The following ARHGAP25 variants were observed in gnomAD, a reference collection of about 807,000 sequenced individuals.
The protein encoded by ARHGAP25 is rho GTPase-activating protein 25.
In ARHGAP25, 34 loss-of-function variants were observed where a neutral mutation model predicts 71.0. That is an observed-to-expected ratio of 0.48 (90% CI 0.36 to 0.64). The LOEUF (loss-of-function observed/expected upper bound fraction) is 0.64. ARHGAP25 is among the 30% of genes least tolerant of loss of function. ARHGAP25 has a pLI of 0.00. For missense variants in ARHGAP25, 706 were observed against 805.1 expected (o/e 0.88, Z 1.49); for synonymous variants, 282 against 296.5 (o/e 0.95, Z 0.50).
At chr2:68,771,832 A>C (rs1677508061) in intron 1 of ARHGAP25, among the ~76,000 whole-genome samples, 1 of 152,218 alleles carries the variant, frequency 6.6e-6, no homozygotes, top group Non-Finnish European at 1.5e-5. Flanking sequence ...GCACTAAAGA[A>C]ACACTGGTTG....
At chr2:68,746,712 C>A (rs934262517) in intron 1 of ARHGAP25, among the ~76,000 whole-genome samples, 3 of 151,574 alleles carry the variant, frequency 2.0e-5, no homozygotes, top group East Asian at 1.9e-4. Context: ...CACCCCCCTC[C>A]CCATCCCCAC....
intron 3 of ARHGAP25, among the ~76,000 whole-genome samples, chr2:68,787,574 G>A (rs1304621767): frequency 6.6e-6 from 1 of 152,228 alleles, no homozygotes; most frequent in African/African-American, 2.4e-5. Flanking sequence ...AATGACTTCT[G>A]TCCTCTTAAA....
chr2:68,742,309 T>G (rs1675561332), intron 1 of ARHGAP25, among the ~76,000 whole-genome samples: 1 of 152,224 alleles, frequency 6.6e-6, no homozygotes, highest in Non-Finnish European at 1.5e-5. Flanking sequence ...CTTTTTAATA[T>G]TTTAAAATAA....
rs760172341 is a variant in ARHGAP25, at chr2:68,787,918, T to C, written c.428T>C (p.Val143Ala). 6.2e-6 allele frequency: 10 copies of C among 1,614,024 alleles called. No individual in the cohort carries two copies. Among genetic ancestry groups the C allele is most frequent in the Non-Finnish European group, 8.5e-6 (10 of 1,180,012 alleles). Residue 143 changes from valine to alanine, a missense_variant, in exon 4 of 11, where the codon GTT (valine) becomes GCT (alanine). Coordinates refer to ENST00000409202, the MANE Select transcript of ARHGAP25 (RefSeq NM_001007231.3). ...TCTCAGGCGGAGATGGAGGAGTGGG[T>C]TAAATTCCTCAGGAGAGTTGCTGGC... ...ASSQAEMEEW[V>A]KFLRRVAGTP...
intron 9 of ARHGAP25, among the ~76,000 whole-genome samples, chr2:68,821,097 T>C (rs1170146663): frequency 2.5e-4 from 34 of 136,382 alleles, no homozygotes; most frequent in South Asian, 1.6e-3. Context: ...TCTTTCTTTT[T>C]TTTTTTTTTT....
rs950792666 is a variant in ARHGAP25 at position 68,735,027 on chromosome 2, A to G, written c.-173A>G. On this transcript the variant is annotated 5_prime_UTR_variant, in exon 1 of 11. Coordinates refer to ENST00000409202, the MANE Select transcript of ARHGAP25 (RefSeq NM_001007231.3). ...GATGGATGGACCTTTCATCTAAGAG[A>G]AAGGAGGAGACACGTTGGCAAATCA... The G allele has an allele frequency of 1.4e-5, 9 of 650,518 alleles. No homozygotes were observed. In the East Asian group the frequency reaches 1.6e-4, roughly 12 times the overall value. The allele number at this position is 650,518 out of a possible 1,614,324, so 40.3% of individuals were successfully genotyped here.
Position 68,775,054 on chromosome 2 carries a change from T to G in ARHGAP25, c.62-167T>G. Reference sequence around the variant, plus strand: ...GGAGCTGGCCCCTCGGCTGCTTCTCTGGCTCGGGGGGGACTTTCTCTGGCT... The same window carrying G: ...GGAGCTGGCCCCTCGGCTGCTTCTCGGGCTCGGGGGGGACTTTCTCTGGCT... On this transcript the variant is annotated intron_variant, in intron 1 of 10. Transcript: ENST00000409202. The G allele has an allele frequency of 3.9e-6, 6 of 1,523,776 alleles. No homozygotes were observed. In the South Asian group the frequency reaches 7.8e-5, roughly 20 times the overall value. The allele number at this position is 1,523,776 out of a possible 1,614,324, so 94.4% of individuals were successfully genotyped here.
chr2:68,813,179 C>T, intron 5 of ARHGAP25, 108 bp from the exon 6 acceptor site: 1 of 1,313,436 alleles, frequency 7.6e-7, no homozygotes, highest in Non-Finnish European at 1.0e-6. Context: ...GCAAAATTTC[C>T]CTTTGTAATT....
intron 6 of ARHGAP25, chr2:68,816,016 A>G (rs1681199897): frequency 2.2e-6 from 1 of 463,198 alleles, no homozygotes. Context: ...GTCCTTCCTT[A>G]GAGTAGCTCA....
At chr2:68,751,527 T>A (rs1676176960) in intron 1 of ARHGAP25, among the ~76,000 whole-genome samples, 1 of 152,230 alleles carries the variant, frequency 6.6e-6, no homozygotes, top group Non-Finnish European at 1.5e-5. Context: ...CCATTTTCCC[T>A]TTCTGTTCCA....
At chr2:68,775,090 C>T (rs1395880282) in intron 1 of ARHGAP25, 131 bp from the exon 2 acceptor site, 7 of 1,572,342 alleles carry the variant, frequency 4.5e-6, no homozygotes, top group Non-Finnish European at 6.0e-6. Flanking sequence ...CAGATCCGGA[C>T]CCCTGAACTG....
intron 5 of ARHGAP25, among the ~76,000 whole-genome samples, chr2:68,808,901 T>G (rs1558653996): frequency 6.6e-6 from 1 of 152,170 alleles, no homozygotes; most frequent in African/African-American, 2.4e-5. Flanking sequence ...TTGATTATTT[T>G]GAAATATTTG....
chr2:68,715,963 T>A (rs1674599906), intron 2 of ARHGAP25, among the ~76,000 whole-genome samples: 1 of 152,192 alleles, frequency 6.6e-6, no homozygotes, highest in East Asian at 1.9e-4. Context: ...CATAGGTATT[T>A]TCAGTCGTTT....
intron 4 of ARHGAP25, among the ~76,000 whole-genome samples, chr2:68,799,731 G>A (rs968917221): frequency 2.6e-5 from 4 of 152,178 alleles, no homozygotes; most frequent in Non-Finnish European, 4.4e-5. Context: ...GGTGAGTGGC[G>A]AGGGGAAGTG....
rs758294167 is a variant in ARHGAP25 at position 68,807,370 on chromosome 2, C to A, written c.564C>A (p.Ile188=). 1 of 1,614,228 alleles carries A rather than the reference C, an allele frequency of 6.2e-7. No individual in the cohort carries two copies. The highest frequency in any genetic ancestry group is 1.1e-5 in the South Asian group (1 of 91,088). The change falls in exon 5 of 11, where the codon ATC becomes ATA. Residue 188 remains isoleucine, a synonymous_variant. Transcript: ENST00000409202. ...TGGTGGAGAAATGTGCAGAGTTCATCCTGGAGCACGGCCGGAATGAAGAGG... is the reference window on the plus strand; with the variant it reads ...TGGTGGAGAAATGTGCAGAGTTCATACTGGAGCACGGCCGGAATGAAGAGG... The part of the protein sequence containing the change: ...PILVEKCAEF[I]LEHGRNEEGI...
chr2:68,737,030 A>G (rs1295929113), intron 1 of ARHGAP25, among the ~76,000 whole-genome samples: 1 of 152,086 alleles, frequency 6.6e-6, no homozygotes, highest in Non-Finnish European at 1.5e-5. Flanking sequence ...CAAGCAGATG[A>G]TGTTATTTAG....
chr2:68,801,770 A>T (rs1679983925), intron 4 of ARHGAP25, among the ~76,000 whole-genome samples: 1 of 152,210 alleles, frequency 6.6e-6, no homozygotes, highest in African/African-American at 2.4e-5. Flanking sequence ...CATGACAGTG[A>T]TAACATCGAG....
chr2:68,805,662 G>C (rs904918152), intron 4 of ARHGAP25, among the ~76,000 whole-genome samples: 1 of 152,156 alleles, frequency 6.6e-6, no homozygotes, highest in African/African-American at 2.4e-5. Context: ...ACAGGTGAGA[G>C]AGGAGGCTGG....
intron 4 of ARHGAP25, among the ~76,000 whole-genome samples, chr2:68,796,205 C>G (rs1327803609): frequency 6.6e-6 from 1 of 152,086 alleles, no homozygotes; most frequent in East Asian, 1.9e-4. Context: ...AGATATCTAT[C>G]TTCTTGGTAA....
Sources: allele counts gnomAD v4.1 joint callset (sites outside exome capture counted in the v4.1 genomes callset), GRCh38; gene constraint gnomAD v4.1.1; transcripts MANE v1.5; gene names NCBI Gene and HGNC (gene_info 2026-07-23, HGNC 2026-07-21).